The following FANCD2OS variants were observed in gnomAD, a reference collection of about 807,000 sequenced individuals.
FANCD2OS encodes FANCD2 opposite strand protein.
Under a neutral mutation model 13.2 loss-of-function variants are expected in FANCD2OS, and 11 were observed. That is an observed-to-expected ratio of 0.83 (90% CI 0.52 to 1.38). FANCD2OS has a LOEUF of 1.38. Ranked by LOEUF, FANCD2OS falls within the 40% of genes most tolerant of loss-of-function variation. FANCD2OS has a pLI of 0.00. For synonymous variants in FANCD2OS, 69 were observed against 84.5 expected (o/e 0.82, Z 1.01); for missense variants, 217 against 213.9 (o/e 1.01, Z -0.09).
intron 2 of FANCD2OS, among the ~76,000 whole-genome samples, chr3:10,094,579 C>T (rs1472170199): frequency 6.6e-6 from 1 of 152,146 alleles, no homozygotes; most frequent in African/African-American, 2.4e-5. Flanking sequence ...ATTTCTTCTC[C>T]AGATCTGACA....
At chr3:10,105,729 T>A (rs1695449821) in intron 1 of FANCD2OS, among the ~76,000 whole-genome samples, 1 of 116,820 alleles carries the variant, frequency 8.6e-6, no homozygotes, top group African/African-American at 3.1e-5. Flanking sequence ...CCAGCCTGGG[T>A]GAAAGAGCAA....
chr3:10,088,238 G>A (rs754172769), intron 2 of FANCD2OS, among the ~76,000 whole-genome samples: 16 of 152,156 alleles, frequency 1.1e-4, no homozygotes, highest in Non-Finnish European at 2.1e-4. Context: ...GGTGGGACGT[G>A]TTGAGCCTTA....
At chr3:10,101,377 C>CA, downstream of FANCD2OS, 1 of 388,318 alleles carries the variant, frequency 2.6e-6, no homozygotes. Context: ...TTTTGTTCCT[C>CA]TTTTTTTTTT....
In FANCD2OS at chr3:10,097,330, T is replaced by G. The variant is rs369357413; in HGVS notation, c.*43+6868A>C. Among the ~76,000 whole-genome samples the G allele has an allele frequency of 1.2e-4, 18 of 152,320 alleles. No individual in the cohort carries two copies. In the East Asian group the frequency reaches 2.9e-3, roughly 24 times the overall value. ...GGGAATTTCCTCTTCCTAATAAGCC[T>G]GGGAGCGCTATAGGAGACTGGAGTT... On this transcript the variant is annotated intron_variant, in intron 2 of 2. Coordinates refer to the FANCD2OS transcript ENST00000524279.
chr3:10,088,651 T>C lies in FANCD2OS; in HGVS notation c.*44-7120A>G, dbSNP rs547204364. The C allele has an allele frequency of 3.8e-5, 41 of 1,078,164 alleles. 1 individual carries two copies. In the South Asian group the frequency reaches 5.2e-4, roughly 14 times the overall value. 66.8% of individuals were successfully genotyped at this position (1,078,164 alleles called of 1,614,324 possible). The stretch of plus-strand genomic sequence containing the variant: ...CTTTTTAGTGGGAATTTGAAAACAA[T>C]GAAGTAGGTTAAAAATGAACACAAT... On this transcript the variant is annotated intron_variant, in intron 2 of 2. Transcript: ENST00000524279.
downstream of FANCD2OS, chr3:10,098,928 G>A (rs1246347817): frequency 1.9e-6 from 3 of 1,614,032 alleles, no homozygotes; most frequent in Non-Finnish European, 2.5e-6. Context: ...ATGCTTCTAT[G>A]CCCATTTCCA....
chr3:10,107,538 G>A (rs550981328), intron 1 of FANCD2OS, among the ~76,000 whole-genome samples: 2 of 151,938 alleles, frequency 1.3e-5, no homozygotes, highest in African/African-American at 4.8e-5. Flanking sequence ...CGCCCGTCTC[G>A]GCCTCCCAAA....
At chr3:10,097,406 C>G (rs1345073461) in intron 2 of FANCD2OS, among the ~76,000 whole-genome samples, 2 of 152,104 alleles carry the variant, frequency 1.3e-5, no homozygotes, top group South Asian at 2.1e-4. Context: ...CCCGGGGGGG[C>G]CCAGTTCAGA....
In FANCD2OS at chr3:10,085,460, C is replaced by T. The variant is rs370942558; in HGVS notation, c.*44-3929G>A. 8.1e-5 allele frequency among the ~76,000 whole-genome samples: 12 copies of T among 149,052 alleles called. 1 individual carries two copies. The East Asian group carries it at 9.8e-4, about 12-fold the overall frequency. On this transcript the variant is annotated intron_variant, in intron 2 of 2. Transcript: ENST00000524279. ...AGGCTGGAGTGCAGTGGCACAATCT[C>T]GGCTCACTGCAGCCTCCACCTCCCG...
chr3:10,103,253 T>A (rs1695372255), downstream of FANCD2OS, among the ~76,000 whole-genome samples: 2 of 151,970 alleles, frequency 1.3e-5, no homozygotes, highest in South Asian at 2.1e-4. Context: ...AAACACAAAA[T>A]TAGCTGGGCG....
chr3:10,096,518 T>C (rs1229848585), intron 2 of FANCD2OS: 4 of 1,587,262 alleles, frequency 2.5e-6, no homozygotes, highest in Non-Finnish European at 3.5e-6. Context: ...TCTTATTCTT[T>C]GTGACAGCAT....
intron 2 of FANCD2OS, chr3:10,089,019 A>G: frequency 6.4e-7 from 1 of 1,562,080 alleles, no homozygotes; most frequent in Non-Finnish European, 8.8e-7. Context: ...ACGGTGGCAC[A>G]CACCTGTAAT....
chr3:10,083,294 T>C (rs1035407886), intron 2 of FANCD2OS, among the ~76,000 whole-genome samples: 8 of 151,868 alleles, frequency 5.3e-5, no homozygotes, highest in Non-Finnish European at 1.2e-4. Context: ...TCTCTAAAAA[T>C]TATAAAAACA....
chr3:10,089,126 A>T (rs1412955072), intron 2 of FANCD2OS, among the ~76,000 whole-genome samples: 1 of 152,052 alleles, frequency 6.6e-6, no homozygotes, highest in Non-Finnish European at 1.5e-5. Flanking sequence ...CCCTACTAAA[A>T]ATACAAAAAT....
intron 2 of FANCD2OS, among the ~76,000 whole-genome samples, chr3:10,097,542 G>A (rs1012297925): frequency 2.6e-5 from 4 of 152,160 alleles, no homozygotes; most frequent in African/African-American, 4.8e-5. Context: ...CCGGCTCACC[G>A]GCGGTCAGAG....
At chr3:10,094,445 T>C (rs1694833629) in intron 2 of FANCD2OS, 12 of 1,205,664 alleles carry the variant, frequency 1.0e-5, no homozygotes, top group Non-Finnish European at 1.5e-5. Context: ...TGGGTGGGGC[T>C]GGGAGTGTTC....
chr3:10,099,854 G>A (rs924294302), downstream of FANCD2OS, among the ~76,000 whole-genome samples: 1 of 152,246 alleles, frequency 6.6e-6, no homozygotes, highest in Non-Finnish European at 1.5e-5. Context: ...CTGCTGTGGG[G>A]CCTCTGTCTG....
intron 2 of FANCD2OS, among the ~76,000 whole-genome samples, chr3:10,086,809 TG>T (rs1445483631): frequency 6.6e-6 from 1 of 152,182 alleles, no homozygotes; most frequent in Non-Finnish European, 1.5e-5. Context: ...TTATTTTCAG[TG>T]TATTGCCTAA....
intron 2 of FANCD2OS, among the ~76,000 whole-genome samples, chr3:10,083,372 A>C (rs1012901596): frequency 1.2e-4 from 19 of 152,262 alleles, no homozygotes; most frequent in Non-Finnish European, 2.6e-4. Flanking sequence ...GCACAATGAG[A>C]TAGCACAACA....
Sources: allele counts gnomAD v4.1 joint callset (sites outside exome capture counted in the v4.1 genomes callset), GRCh38; gene constraint gnomAD v4.1.1; transcripts MANE v1.5; gene names NCBI Gene and HGNC (gene_info 2026-07-23, HGNC 2026-07-21).